Variants in STX18 observed in about 807,000 individuals in gnomAD.
STX18 encodes the protein syntaxin 18.
A neutral mutation model predicts 50.1 loss-of-function variants in STX18; 40 were observed. The ratio of observed to expected loss-of-function variants is 0.80; its 90% CI spans 0.62 to 1.04. The LOEUF (loss-of-function observed/expected upper bound fraction) is 1.04. STX18 is among the 50% of genes least tolerant of loss of function. The pLI, the probability that STX18 is intolerant of heterozygous loss-of-function variation, is 0.00. For missense variants in STX18, 410 were observed against 415.8 expected, an observed-to-expected ratio of 0.99 and a Z score of 0.12; for synonymous variants, 158 against 151.8, an observed-to-expected ratio of 1.04 and a Z score of -0.30.
At chr4:4,428,501 A>G (rs1025708376) in intron 7 of STX18, among the ~76,000 whole-genome samples, 1 of 152,042 alleles carries the variant, frequency 6.6e-6, no homozygotes, top group African/African-American at 2.4e-5. Flanking sequence ...GTTGTCTACC[A>G]AAGTGCATGG....
chr4:4,502,165 G>A (rs1479844407), intron 1 of STX18, among the ~76,000 whole-genome samples: 2 of 152,258 alleles, frequency 1.3e-5, no homozygotes, highest in Non-Finnish European at 2.9e-5. Context: ...CAGATACCTC[G>A]AAAGCACTAT....
chr4:4,434,320 G>C (rs1188564357), intron 7 of STX18, among the ~76,000 whole-genome samples: 1 of 152,204 alleles, frequency 6.6e-6, no homozygotes, highest in Non-Finnish European at 1.5e-5. Context: ...GTAAGCTATA[G>C]CAGCTGGAAA....
At chr4:4,508,804 G>T (rs575010900) in intron 1 of STX18, among the ~76,000 whole-genome samples, 6 of 152,110 alleles carry the variant, frequency 3.9e-5, no homozygotes, top group African/African-American at 1.4e-4. Flanking sequence ...AGTGAGAACA[G>T]GCAGTGTTAT....
At chr4:4,539,595 C>T (rs979119292) in intron 1 of STX18, among the ~76,000 whole-genome samples, 5 of 152,228 alleles carry the variant, frequency 3.3e-5, no homozygotes, top group Admixed American at 2.0e-4. Context: ...CATGAACTCA[C>T]TTAAGGTGAT....
intron 5 of STX18, among the ~76,000 whole-genome samples, chr4:4,447,678 G>T (rs1189752139): frequency 1.5e-5 from 2 of 137,170 alleles, no homozygotes; most frequent in East Asian, 4.8e-4. Flanking sequence ...TGCTTTATAT[G>T]TAAGTGCTAA....
At chr4:4,452,928 T>C (rs1367481355) in intron 5 of STX18, among the ~76,000 whole-genome samples, 1 of 152,100 alleles carries the variant, frequency 6.6e-6, no homozygotes, top group Non-Finnish European at 1.5e-5. Context: ...AAGACTTCAG[T>C]GGAGGAAGTC....
chr4:4,494,343 C>T (rs981241021), intron 1 of STX18, among the ~76,000 whole-genome samples: 1 of 152,192 alleles, frequency 6.6e-6, no homozygotes, highest in South Asian at 2.1e-4. Context: ...AAGGTCTAGT[C>T]CAGCTCCCCA....
chr4:4,533,647 G>A (rs905124104), intron 1 of STX18, among the ~76,000 whole-genome samples: 10 of 152,202 alleles, frequency 6.6e-5, no homozygotes, highest in Admixed American at 2.6e-4. Flanking sequence ...CCTAACAGAT[G>A]GCTCTAGCCT....
chr4:4,492,269 A>G (rs1174217301), intron 1 of STX18, among the ~76,000 whole-genome samples: 1 of 152,176 alleles, frequency 6.6e-6, no homozygotes, highest in Non-Finnish European at 1.5e-5. Flanking sequence ...TAGAAATAAG[A>G]ACCTTCTTTC....
chr4:4,447,114 T>C (rs1397098419), intron 5 of STX18, among the ~76,000 whole-genome samples: 1 of 152,228 alleles, frequency 6.6e-6, no homozygotes, highest in African/African-American at 2.4e-5. Context: ...AAATTTAGCA[T>C]CTATGACTTA....
intron 1 of STX18, among the ~76,000 whole-genome samples, chr4:4,500,537 C>G (rs993816004): frequency 1.2e-4 from 19 of 152,170 alleles, no homozygotes; most frequent in African/African-American, 4.6e-4. Context: ...ACCTGAGCAT[C>G]CACAGAGTTT....
At position 4,495,378 on chromosome 4, in the gene STX18, C is replaced by CT. The variant is rs539150460; in HGVS notation, c.169-23673dup. 5.3e-3 allele frequency among the ~76,000 whole-genome samples: 805 copies of CT among 151,718 alleles called. 5 individuals carry two copies. Among genetic ancestry groups the CT allele is most frequent in the Non-Finnish European group, 7.3e-3 (498 of 67,886 alleles). ...CTTTTCTTCTTTCTTTCCTGTCTTTCTTCTCTCTCTCTTTCTCTCTTTCTT... is the reference window on the plus strand; with the variant it reads ...CTTTTCTTCTTTCTTTCCTGTCTTTCTTTCTCTCTCTCTTTCTCTCTTTCTT... On this transcript the variant is annotated intron_variant, in intron 1 of 10. Coordinates refer to ENST00000306200, the MANE Select transcript of STX18 (RefSeq NM_016930.4).
At chr4:4,432,087 T>C (rs957865463) in intron 7 of STX18, among the ~76,000 whole-genome samples, 9 of 152,224 alleles carry the variant, frequency 5.9e-5, no homozygotes, top group Admixed American at 5.9e-4. Flanking sequence ...ATTTTCTTAG[T>C]TCAGAATTAT....
At chr4:4,423,440 T>TG in intron 9 of STX18, 78 bp downstream of exon 9, 1 of 1,426,184 alleles carries the variant, frequency 7.0e-7, no homozygotes, top group Non-Finnish European at 9.8e-7. Flanking sequence ...CAGCAGCCTT[T>TG]GGGAAAAATG....
chr4:4,425,831 C>G (rs994880084), intron 7 of STX18: 1 of 152,688 alleles, frequency 6.5e-6, no homozygotes, highest in African/African-American at 2.4e-5. Flanking sequence ...TACATGGGAG[C>G]TTCTTGGAGC....
chr4:4,460,439 T>C (rs1488349033), intron 2 of STX18, among the ~76,000 whole-genome samples: 1 of 151,768 alleles, frequency 6.6e-6, no homozygotes, highest in African/African-American at 2.4e-5. Context: ...AAGCCTTCTC[T>C]AGGAAACTTA....
rs546862068 is a variant in STX18, at chr4:4,491,404, T to A, written c.169-19698A>T. On this transcript the variant is annotated intron_variant, in intron 1 of 10. Coordinates refer to ENST00000306200, the MANE Select transcript of STX18 (RefSeq NM_016930.4). ...AATAACAAAAGAAATGATACCATAATACTAACGTAGGAAAAAGGATATATA... is the reference window on the plus strand; with the variant it reads ...AATAACAAAAGAAATGATACCATAAAACTAACGTAGGAAAAAGGATATATA... 4.4e-4 allele frequency among the ~76,000 whole-genome samples: 67 copies of A among 152,116 alleles called. 1 individual carries two copies. The highest frequency in any genetic ancestry group is 8.1e-4 in the Non-Finnish European group (55 of 67,962).
intron 7 of STX18, among the ~76,000 whole-genome samples, chr4:4,433,866 C>A (rs758488150): frequency 1.1e-4 from 17 of 152,206 alleles, no homozygotes; most frequent in Admixed American, 7.9e-4. Context: ...TCATGCTCCA[C>A]TCCTTATCTT....
intron 1 of STX18, among the ~76,000 whole-genome samples, chr4:4,485,035 G>A (rs941065014): frequency 1.3e-5 from 2 of 152,206 alleles, no homozygotes; most frequent in Non-Finnish European, 2.9e-5. Flanking sequence ...GGCTGTGTGT[G>A]GAGAGTGTGC....
Sources: allele counts gnomAD v4.1 joint callset (sites outside exome capture counted in the v4.1 genomes callset), GRCh38; gene constraint gnomAD v4.1.1; transcripts MANE v1.5; gene names NCBI Gene and HGNC (gene_info 2026-07-23, HGNC 2026-07-21).